CCDC178: variants seen among roughly 807,000 people sequenced by gnomAD.
CCDC178 encodes coiled-coil domain containing 178.
Under a neutral mutation model 117.4 loss-of-function variants are expected in CCDC178, and 126 were observed. The observed-to-expected ratio is 1.07, with a 90% CI of 0.93 to 1.24. The LOEUF (loss-of-function observed/expected upper bound fraction) is 1.24, where lower values mean the gene tolerates loss of function less well. CCDC178 is among the 50% of genes most tolerant of loss of function. The pLI, the probability that CCDC178 is intolerant of heterozygous loss-of-function variation, is 0.00. For missense variants in CCDC178, 1,030 were observed against 986.9 expected, an observed-to-expected ratio of 1.04 and a Z score of -0.59; for synonymous variants, 283 against 313.4, an observed-to-expected ratio of 0.90 and a Z score of 1.02.
chr18:33,136,874 GATCT>G (rs1463651709), intron 20 of CCDC178, among the ~76,000 whole-genome samples: 1 of 152,124 alleles, frequency 6.6e-6, no homozygotes, highest in Non-Finnish European at 1.5e-5. Context: ...TTATCTATGT[GATCT>G]ATTTATTCAT....
intron 4 of CCDC178, among the ~76,000 whole-genome samples, chr18:33,394,943 G>GCA (rs2063612069): frequency 1.6e-5 from 1 of 61,498 alleles, no homozygotes; most frequent in Admixed American, 2.4e-4. Flanking sequence ...ATATGTATGT[G>GCA]TATATATATA....
chr18:33,302,984 G>T (rs940880719), intron 11 of CCDC178, among the ~76,000 whole-genome samples: 6 of 152,124 alleles, frequency 3.9e-5, no homozygotes, highest in African/African-American at 1.4e-4. Context: ...ATAATATATA[G>T]CTTCAAATGG....
In CCDC178 at chr18:33,266,878, A is replaced by G. The variant is rs768682744; in HGVS notation, c.1409+38T>C. 3.4e-6 allele frequency: 5 copies of G among 1,461,930 alleles called. No homozygotes were observed. In the East Asian group the frequency reaches 6.9e-5, roughly 20 times the overall value. 90.6% of individuals were successfully genotyped at this position (1,461,930 alleles called of 1,614,324 possible). A position where few individuals can be genotyped will look rare whatever the true frequency, so the allele number is the denominator to read the frequency against. ...AGGTTTATTGTATTTAACATATTGGATTATGGTATATAAGAAGAAAAGTAT... is the reference window on the plus strand; with the variant it reads ...AGGTTTATTGTATTTAACATATTGGGTTATGGTATATAAGAAGAAAAGTAT... On this transcript the variant is annotated intron_variant, in intron 14 of 22. Coordinates refer to ENST00000383096, the MANE Select transcript of CCDC178 (RefSeq NM_001105528.4).
At chr18:33,293,389 G>A in intron 11 of CCDC178, 77 bp from the exon 12 acceptor site, 2 of 896,142 alleles carry the variant, frequency 2.2e-6, no homozygotes, top group Non-Finnish European at 3.2e-6. Flanking sequence ...GGCCAGGCTT[G>A]GTGGCTCATG....
intron 1 of CCDC178, 168 bp downstream of exon 1, chr18:33,440,485 G>A (rs1340413437): frequency 6.6e-6 from 1 of 152,138 alleles, no homozygotes; most frequent in Non-Finnish European, 1.5e-5. Flanking sequence ...CCTCTGGAAG[G>A]GGTGAAGAAC....
In CCDC178 at chr18:33,211,893, C is replaced by T. The variant is rs1158934922; in HGVS notation, c.2238+3G>A. 4.4e-6 allele frequency: 7 copies of T among 1,599,566 alleles called. No individual in the cohort carries two copies. Among genetic ancestry groups the T allele is most frequent in the East Asian group, 2.2e-5 (1 of 44,482 alleles). ...TTTTGAAACATGCAAAAATAATACTCACTTGGGTATCTTGAAGAGTTTTTT... is the reference window on the plus strand; with the variant it reads ...TTTTGAAACATGCAAAAATAATACTTACTTGGGTATCTTGAAGAGTTTTTT... On this transcript the variant is annotated splice_donor_region_variant and intron_variant, in intron 20 of 22. Transcript: ENST00000383096.
intron 2 of CCDC178, among the ~76,000 whole-genome samples, chr18:33,416,454 C>T (rs1274139964): frequency 2.6e-5 from 4 of 151,758 alleles, no homozygotes; most frequent in African/African-American, 9.7e-5. Context: ...AAAAACTGCC[C>T]CCACAAAGAC....
At chr18:33,089,836 T>C (rs2057435933) in intron 21 of CCDC178, among the ~76,000 whole-genome samples, 1 of 152,170 alleles carries the variant, frequency 6.6e-6, no homozygotes, top group Admixed American at 6.6e-5. Flanking sequence ...TGAAAGCTTC[T>C]AACAAAAATG....
intron 5 of CCDC178, among the ~76,000 whole-genome samples, chr18:33,371,304 T>G (rs1392116049): frequency 6.6e-6 from 1 of 151,942 alleles, no homozygotes; most frequent in Non-Finnish European, 1.5e-5. Context: ...TGTATATATA[T>G]ATAAATGACC....
chr18:33,071,928 T>C (rs1385836299), intron 21 of CCDC178, among the ~76,000 whole-genome samples: 1 of 152,120 alleles, frequency 6.6e-6, no homozygotes, highest in African/African-American at 2.4e-5. Flanking sequence ...AAAGGTTGAA[T>C]AATATAAATA....
intron 10 of CCDC178, among the ~76,000 whole-genome samples, chr18:33,328,598 T>C (rs566187227): frequency 3.4e-4 from 52 of 152,306 alleles, no homozygotes; most frequent in African/African-American, 1.2e-3. Flanking sequence ...TCTTGCACCT[T>C]GTTAAAAATC....
intron 21 of CCDC178, among the ~76,000 whole-genome samples, chr18:33,029,289 T>G (rs2056288548): frequency 6.6e-6 from 1 of 151,964 alleles, no homozygotes; most frequent in Non-Finnish European, 1.5e-5. Context: ...AATTATCTAA[T>G]TTGCTGGCAT....
chr18:33,150,976 T>A (rs767046353), intron 20 of CCDC178, among the ~76,000 whole-genome samples: 26 of 152,184 alleles, frequency 1.7e-4, no homozygotes, highest in Admixed American at 5.9e-4. Context: ...AGGCCATTAT[T>A]CTAGGTGAAA....
intron 21 of CCDC178, among the ~76,000 whole-genome samples, chr18:33,034,698 T>G (rs1228325465): frequency 6.6e-6 from 1 of 152,042 alleles, no homozygotes; most frequent in Non-Finnish European, 1.5e-5. Flanking sequence ...TTCACAGTAT[T>G]TTAATTGTTG....
At chr18:33,326,831 C>A (rs1281636318) in intron 10 of CCDC178, among the ~76,000 whole-genome samples, 2 of 151,868 alleles carry the variant, frequency 1.3e-5, no homozygotes, top group African/African-American at 4.8e-5. Flanking sequence ...TCAAGTCTAC[C>A]TCCCAGGTAT....
intron 15 of CCDC178, among the ~76,000 whole-genome samples, chr18:33,232,265 A>G (rs902753283): frequency 2.0e-5 from 3 of 152,148 alleles, no homozygotes; most frequent in Non-Finnish European, 4.4e-5. Context: ...TACTAGGACA[A>G]AAGATAGCTG....
intron 12 of CCDC178, among the ~76,000 whole-genome samples, chr18:33,291,573 T>C (rs4340391): frequency 0.036 from 5,424 of 152,226 alleles, 129 homozygotes; most frequent in East Asian, 0.13. Flanking sequence ...GGCATAATAA[T>C]TTATATATTA....
At chr18:33,023,143 C>T (rs1286158437) in intron 21 of CCDC178, among the ~76,000 whole-genome samples, 1 of 152,036 alleles carries the variant, frequency 6.6e-6, no homozygotes, top group East Asian at 1.9e-4. Context: ...TTGATGATTT[C>T]AACAACCCTC....
chr18:33,175,929 A>G (rs2058659268), intron 20 of CCDC178, among the ~76,000 whole-genome samples: 1 of 151,758 alleles, frequency 6.6e-6, no homozygotes, highest in African/African-American at 2.4e-5. Flanking sequence ...TCAATTCTCC[A>G]CTTTTTCATA....
Sources: allele counts gnomAD v4.1 joint callset (sites outside exome capture counted in the v4.1 genomes callset), GRCh38; gene constraint gnomAD v4.1.1; transcripts MANE v1.5; gene names NCBI Gene and HGNC (gene_info 2026-07-23, HGNC 2026-07-21).